Variants in MYO5A observed in about 807,000 individuals in gnomAD.
MYO5A encodes myosin VA.
A neutral mutation model predicts 249.7 loss-of-function variants in MYO5A; 98 were observed. The ratio of observed to expected loss-of-function variants is 0.39; its 90% CI spans 0.33 to 0.46. The LOEUF (loss-of-function observed/expected upper bound fraction) is 0.46. Ranked by LOEUF, MYO5A falls within the 20% of genes least tolerant of loss-of-function variation. The probability of loss-of-function intolerance (pLI) is 0.98; values close to 1 mark genes in which losing one functional copy is unlikely to be tolerated. For synonymous variants in MYO5A, 778 were observed against 810.6 expected (o/e 0.96, Z 0.68); for missense variants, 1,696 against 2,308.8 (o/e 0.73, Z 5.44).
At chr15:52,360,988 T>G (rs2040493090) in intron 24 of MYO5A, among the ~76,000 whole-genome samples, 1 of 152,174 alleles carries the variant, frequency 6.6e-6, no homozygotes, top group Admixed American at 6.5e-5. Flanking sequence ...CCCCAGCTGC[T>G]GGAAAAGAGC....
At chr15:52,460,577 G>C (rs1361568892) in intron 1 of MYO5A, among the ~76,000 whole-genome samples, 4 of 152,252 alleles carry the variant, frequency 2.6e-5, no homozygotes, top group African/African-American at 9.6e-5. Flanking sequence ...GGAGGCTGCA[G>C]TGAGCCCAGA....
chr15:52,493,206 C>G (rs1430298397), intron 1 of MYO5A, among the ~76,000 whole-genome samples: 1 of 152,154 alleles, frequency 6.6e-6, no homozygotes, highest in Non-Finnish European at 1.5e-5. Context: ...ATTATAGCCA[C>G]AGATTAAGTG....
chr15:52,340,378 G>T lies in MYO5A; in HGVS notation c.4057C>A (p.Leu1353Met). The T allele has an allele frequency of 6.2e-7, 1 of 1,612,998 alleles. No individual in the cohort carries two copies. Reference sequence around the variant, plus strand: ...TCATGGCTCCTCTTCTGTGACTGCAGCTGGGATTCCAGGAGCCTGCGGAGA... The same window carrying T: ...TCATGGCTCCTCTTCTGTGACTGCATCTGGGATTCCAGGAGCCTGCGGAGA... ...KQANRLLESQ[L>M]QSQKRSHENE... The change falls in exon 32 of 42, where the codon CTG (leucine) becomes ATG (methionine). Residue 1353 changes from leucine to methionine, a missense_variant. Leu to Met is a conservative substitution (Grantham distance 15, BLOSUM62 2). Coordinates refer to ENST00000399233, the MANE Select transcript of MYO5A (RefSeq NM_001382347.1).
intron 35 of MYO5A, among the ~76,000 whole-genome samples, chr15:52,329,330 G>T (rs1269077705): frequency 1.3e-5 from 2 of 152,232 alleles, no homozygotes; most frequent in Non-Finnish European, 2.9e-5. Flanking sequence ...TCAGGTATAA[G>T]TGCCAATCAC....
At chr15:52,505,614 C>T (rs1417709396) in intron 1 of MYO5A, 2 of 1,382,094 alleles carry the variant, frequency 1.4e-6, no homozygotes, top group Non-Finnish European at 2.1e-6. Flanking sequence ...AGTCTTCCAT[C>T]TTATTAGATG....
At chr15:52,505,606 T>A (rs1361189457) in intron 1 of MYO5A, 23 of 1,408,106 alleles carry the variant, frequency 1.6e-5, no homozygotes, top group Non-Finnish European at 2.1e-5. Context: ...TGTTTCCAAG[T>A]CTTCCATCTT....
chr15:52,487,789 C>T (rs973415156), intron 1 of MYO5A, among the ~76,000 whole-genome samples: 1 of 151,768 alleles, frequency 6.6e-6, no homozygotes, highest in Admixed American at 6.6e-5. Flanking sequence ...TTATCCTTGG[C>T]TGACTAAGGA....
rs2076679018 is a variant in MYO5A at position 52,479,841 on chromosome 15, CCT to C, written c.28-46558_28-46557del. ...ATGAAAGAGCCACACCTCTCTTAGACCTCTCTGAGTAAAGGAGAAAAGAGCTG... is the reference window on the plus strand; with the variant it reads ...ATGAAAGAGCCACACCTCTCTTAGACCTCTGAGTAAAGGAGAAAAGAGCTG... On this transcript the variant is annotated intron_variant, in intron 1 of 41. Transcript: ENST00000399233. Among the ~76,000 whole-genome samples the C allele has an allele frequency of 8.5e-5, 13 of 152,354 alleles. No individual in the cohort carries two copies. The South Asian group carries it at 2.7e-3, about 32-fold the overall frequency.
Position 52,384,142 on chromosome 15 carries a change from G to A in MYO5A, c.1914+19C>T, listed in dbSNP as rs754952471. On this transcript the variant is annotated intron_variant, in intron 15 of 41. Coordinates refer to ENST00000399233, the MANE Select transcript of MYO5A (RefSeq NM_001382347.1). ...GCCAGAAAGGAAGGAGCGTGGCAGCGGCAGCTCCCTGAACTCACCTGATGC... is the reference window on the plus strand; with the variant it reads ...GCCAGAAAGGAAGGAGCGTGGCAGCAGCAGCTCCCTGAACTCACCTGATGC... 16 of 1,613,784 alleles carry A rather than the reference G, an allele frequency of 9.9e-6. No individual in the cohort carries two copies. The highest frequency in any genetic ancestry group is 7.7e-5 in the South Asian group (7 of 91,074).
chr15:52,453,725 T>C (rs961575593), intron 1 of MYO5A, among the ~76,000 whole-genome samples: 4 of 152,102 alleles, frequency 2.6e-5, no homozygotes, highest in African/African-American at 9.7e-5. Context: ...TTATAGAGGT[T>C]TTTTTTAAAA....
intron 8 of MYO5A, among the ~76,000 whole-genome samples, chr15:52,406,581 C>T (rs554226965): frequency 6.6e-6 from 1 of 152,268 alleles, no homozygotes; most frequent in South Asian, 2.1e-4. Context: ...ATTAAGTTAA[C>T]TCACCTGAGG....
chr15:52,334,623 C>A (rs964159891), intron 34 of MYO5A, among the ~76,000 whole-genome samples: 18 of 152,138 alleles, frequency 1.2e-4, no homozygotes, highest in Admixed American at 7.9e-4. Flanking sequence ...AAGTAAATGT[C>A]CATGTTGCCA....
At position 52,369,892 on chromosome 15, in the gene MYO5A, T is replaced by C. The variant is rs62811961; in HGVS notation, c.3066+277A>G. On this transcript the variant is annotated intron_variant, in intron 22 of 41. Transcript: ENST00000399233. ...GACTTTTTTTTTTTTTTTTTTTTTT[T>C]AATATACAAGTGTTAGTAGGTACTT... Among the ~76,000 whole-genome samples the C allele has an allele frequency of 2.7e-5, 3 of 111,590 alleles. No homozygotes were observed. The South Asian group carries it at 8.8e-4, about 33-fold the overall frequency. 73.2% of individuals were successfully genotyped at this position (111,590 alleles called of 152,430 possible).
intron 33 of MYO5A, among the ~76,000 whole-genome samples, chr15:52,336,759 A>T (rs1237271827): frequency 3.3e-5 from 5 of 152,246 alleles, no homozygotes; most frequent in African/African-American, 9.6e-5. Flanking sequence ...ACAACGCAGT[A>T]AACTCCTTTA....
At chr15:52,367,762 A>G (rs896307474) in intron 22 of MYO5A, among the ~76,000 whole-genome samples, 2 of 152,152 alleles carry the variant, frequency 1.3e-5, no homozygotes, top group African/African-American at 4.8e-5. Flanking sequence ...CTTTTATTCC[A>G]TGTTTAAATA....
Position 52,375,325 on chromosome 15 carries a change from C to T in MYO5A, c.2556G>A (p.Leu852=). ...TCACCTTGCGATACCTATTTCTGGC[C>T]AAGAAGCCTCGCAAGTAAGACTGAA... The part of the protein sequence containing the change: ...IVLQSYLRGF[L]ARNRYRKILR... The change falls in exon 20 of 42, where the codon TTG becomes TTA. Residue 852 remains leucine, a synonymous_variant. Coordinates refer to ENST00000399233, the MANE Select transcript of MYO5A (RefSeq NM_001382347.1). The T allele has an allele frequency of 6.2e-7, 1 of 1,614,098 alleles. No homozygotes were observed. The highest frequency in any genetic ancestry group is 2.2e-5 in the East Asian group (1 of 44,866).
intron 24 of MYO5A, among the ~76,000 whole-genome samples, chr15:52,363,792 G>GGTACATTGGC (rs1415856027): frequency 1.3e-5 from 2 of 152,186 alleles, no homozygotes; most frequent in Non-Finnish European, 2.9e-5. Flanking sequence ...TTACAAGTAT[G>GGTACATTGGC]AAAGGTACAT....
rs778227946 is a variant in MYO5A, at chr15:52,370,468, G to A, written c.2818-51C>T. On this transcript the variant is annotated intron_variant, in intron 21 of 41. Transcript: ENST00000399233. Reference sequence around the variant, plus strand: ...TAAGTAAATACACATATCATCAAATGTATTTAGTAAGAAAACCATGTTTAT... The same window carrying A: ...TAAGTAAATACACATATCATCAAATATATTTAGTAAGAAAACCATGTTTAT... 9.7e-6 allele frequency: 15 copies of A among 1,545,598 alleles called. No homozygotes were observed. In the East Asian group the frequency reaches 2.5e-4, roughly 25 times the overall value.
chr15:52,392,833 G>T (rs752552994), intron 11 of MYO5A, among the ~76,000 whole-genome samples: 1 of 152,244 alleles, frequency 6.6e-6, no homozygotes, highest in Non-Finnish European at 1.5e-5. Context: ...GAAGCGGACA[G>T]AAACCAAATA....
Sources: gnomAD v4.1 joint callset for allele counts (sites outside exome capture counted in the v4.1 genomes callset) on GRCh38, gnomAD v4.1.1 for gene constraint, MANE v1.5 for transcripts, NCBI Gene and HGNC (gene_info 2026-07-23, HGNC 2026-07-21) for gene names.